Variants in KIAA0753 observed in about 807,000 individuals in gnomAD.
KIAA0753 encodes the protein KIAA0753.
Under a neutral mutation model 116.9 loss-of-function variants are expected in KIAA0753, and 114 were observed. The observed-to-expected ratio is 0.98, with a 90% CI of 0.84 to 1.14. The LOEUF is 1.14. Ranked by LOEUF, KIAA0753 falls within the 50% of genes most tolerant of loss-of-function variation. KIAA0753 has a pLI of 0.00. For missense variants in KIAA0753, 1,156 were observed against 1,172.4 expected, an observed-to-expected ratio of 0.99 and a Z score of 0.20; for synonymous variants, 405 against 413.1, an observed-to-expected ratio of 0.98 and a Z score of 0.24.
intron 7 of KIAA0753, among the ~76,000 whole-genome samples, chr17:6,616,741 G>A (rs1033755085): frequency 2.6e-5 from 4 of 152,180 alleles, no homozygotes; most frequent in Admixed American, 6.5e-5. Flanking sequence ...CAGGAGAATC[G>A]CTTGAACTCA....
chr17:6,605,088 GAAAA>G (rs35631503), intron 12 of KIAA0753, among the ~76,000 whole-genome samples: 1 of 75,832 alleles, frequency 1.3e-5, no homozygotes, highest in Non-Finnish European at 2.8e-5. Context: ...TCTCTAACTT[GAAAA>G]AAAAAAAAAA....
At chr17:6,595,093 ATGAGTTTAAT>A (rs1261831415) in intron 15 of KIAA0753, 40 bp from the exon 16 acceptor site, 1 of 1,411,490 alleles carries the variant, frequency 7.1e-7, no homozygotes, top group Non-Finnish European at 9.9e-7. Flanking sequence ...ATGAGAAAAA[ATGAGTTTAAT>A]TACAAACCAG....
chr17:6,589,902 G>A lies in KIAA0753; in HGVS notation c.2663C>T (p.Pro888Leu). 1 of 1,613,636 alleles carries A rather than the reference G, an allele frequency of 6.2e-7. No homozygotes were observed. The highest frequency in any genetic ancestry group is 8.5e-7 in the Non-Finnish European group (1 of 1,179,852). The change falls in exon 18 of 19, where the codon CCC becomes CTC. Residue 888 changes from proline to leucine, a missense_variant. By Grantham distance (98) the Pro-to-Leu change is moderately conservative. Coordinates refer to ENST00000361413, the MANE Select transcript of KIAA0753 (RefSeq NM_014804.3). ...CTGCATACCCGGTGGGACAAAGAGG[G>A]GAGCTCGGCCTTCTTTCTGTTGAGA... ...EDSQQKEGRA[P>L]LFVPPGMQHS...
At chr17:6,598,759 T>C (rs1317320754) in intron 14 of KIAA0753, among the ~76,000 whole-genome samples, 1 of 152,226 alleles carries the variant, frequency 6.6e-6, no homozygotes, top group Non-Finnish European at 1.5e-5. Flanking sequence ...AATGTTCTCA[T>C]TTTTTTCCTG....
chr17:6,613,870 G>A (rs1970709811), intron 7 of KIAA0753, among the ~76,000 whole-genome samples: 1 of 152,088 alleles, frequency 6.6e-6, no homozygotes, highest in South Asian at 2.1e-4. Flanking sequence ...AACTTAATTG[G>A]ACTAAACTAC....
intron 13 of KIAA0753, among the ~76,000 whole-genome samples, chr17:6,600,155 C>G (rs1319732631): frequency 6.6e-6 from 1 of 152,216 alleles, no homozygotes; most frequent in Non-Finnish European, 1.5e-5. Context: ...GTTTCCCAAA[C>G]TAAAATCTCA....
intron 7 of KIAA0753, among the ~76,000 whole-genome samples, chr17:6,616,292 A>C (rs1252647436): frequency 6.6e-6 from 1 of 152,164 alleles, no homozygotes; most frequent in East Asian, 1.9e-4. Context: ...AGAGAACTTA[A>C]GTTTACTTCT....
intron 15 of KIAA0753, among the ~76,000 whole-genome samples, chr17:6,595,538 G>A (rs2150771568): frequency 6.6e-6 from 1 of 152,290 alleles, no homozygotes; most frequent in South Asian, 2.1e-4. Context: ...TAGCAGCAAA[G>A]CAGAAATTAG....
chr17:6,607,370 G>C (rs1172262475), intron 10 of KIAA0753, 100 bp from the exon 11 acceptor site: 1 of 893,748 alleles, frequency 1.1e-6, no homozygotes, highest in Non-Finnish European at 1.8e-6. Flanking sequence ...GCAGAGCAGA[G>C]CACCAATCCA....
At position 6,600,464 on chromosome 17, in the gene KIAA0753, T is replaced by C. The variant is rs769899876; in HGVS notation, c.2010-6A>G. ...CTAAGTGGGTGGCAGAAACACTATT[T>C]AGAAATAAAATTGAAAATTAAAATC... On this transcript the variant is annotated splice_region_variant and splice_polypyrimidine_tract_variant and intron_variant, in intron 12 of 18. Transcript: ENST00000361413. The C allele has an allele frequency of 1.9e-5, 31 of 1,607,744 alleles. No individual in the cohort carries two copies. Among genetic ancestry groups the C allele is most frequent in the Non-Finnish European group, 2.5e-5 (29 of 1,174,666 alleles).
chr17:6,610,184 T>A (rs1970440846), intron 8 of KIAA0753, 24 bp from the exon 9 acceptor site: 1 of 1,612,728 alleles, frequency 6.2e-7, no homozygotes, highest in African/African-American at 1.3e-5. Flanking sequence ...GTAAGAATTA[T>A]AAGGCCACAC....
In KIAA0753 at chr17:6,579,645, C is replaced by T; in HGVS notation, c.*102G>A. On this transcript the variant is annotated 3_prime_UTR_variant, in exon 19 of 19. Coordinates refer to ENST00000361413, the MANE Select transcript of KIAA0753 (RefSeq NM_014804.3). The stretch of plus-strand genomic sequence containing the variant: ...CTTTCAGTGGGCAGCACCTTCTGGG[C>T]CTGGATGGACAGCTGAGGATGAAAA... 2.5e-6 allele frequency: 2 copies of T among 790,748 alleles called. No homozygotes were observed. Among genetic ancestry groups the T allele is most frequent in the Non-Finnish European group, 2.2e-6 (1 of 458,206 alleles). 49.0% of individuals were successfully genotyped at this position (790,748 alleles called of 1,614,324 possible).
intron 2 of KIAA0753, among the ~76,000 whole-genome samples, chr17:6,630,115 C>G (rs535069932): frequency 2.6e-5 from 4 of 151,734 alleles, no homozygotes; most frequent in Non-Finnish European, 5.9e-5. Flanking sequence ...GAGGAAGACA[C>G]TGTCTAAATA....
chr17:6,632,352 GAATAAAAAT>G (rs1972066578), intron 2 of KIAA0753, among the ~76,000 whole-genome samples: 1 of 152,118 alleles, frequency 6.6e-6, no homozygotes, highest in Non-Finnish European at 1.5e-5. Context: ...TAAATAATGA[GAATAAAAAT>G]AATAATGAGT....
chr17:6,606,455 C>T (rs752828501), intron 12 of KIAA0753, among the ~76,000 whole-genome samples: 2 of 152,122 alleles, frequency 1.3e-5, no homozygotes, highest in East Asian at 3.9e-4. Context: ...AAAAGGGAAC[C>T]GCATTTGAAA....
intron 18 of KIAA0753, among the ~76,000 whole-genome samples, chr17:6,583,447 C>T (rs576042096): frequency 1.3e-5 from 2 of 152,182 alleles, no homozygotes; most frequent in South Asian, 4.2e-4. Context: ...GTTTGTGACT[C>T]GTTTTCTCTC....
chr17:6,633,416 G>A (rs897236561), intron 2 of KIAA0753, among the ~76,000 whole-genome samples: 1 of 152,182 alleles, frequency 6.6e-6, no homozygotes, highest in Non-Finnish European at 1.5e-5. Flanking sequence ...GGAGCAACTG[G>A]AGCTCTCATA....
At chr17:6,601,318 T>C (rs963891697) in intron 12 of KIAA0753, among the ~76,000 whole-genome samples, 1 of 152,210 alleles carries the variant, frequency 6.6e-6, no homozygotes, top group Non-Finnish European at 1.5e-5. Context: ...TGAGGGTCTC[T>C]TGACTAGGGG....
chr17:6,591,113 A>T (rs1311990772), intron 16 of KIAA0753, among the ~76,000 whole-genome samples: 1 of 150,628 alleles, frequency 6.6e-6, no homozygotes, highest in African/African-American at 2.4e-5. Flanking sequence ...AGAAGAAAAC[A>T]CTCACACCTG....
Sources: allele counts gnomAD v4.1 joint callset (sites outside exome capture counted in the v4.1 genomes callset), GRCh38; gene constraint gnomAD v4.1.1; transcripts MANE v1.5; gene names NCBI Gene and HGNC (gene_info 2026-07-23, HGNC 2026-07-21).